CRACD: variants seen among roughly 807,000 people sequenced by gnomAD.
CRACD encodes the protein capping protein inhibiting regulator of actin dynamics.
A neutral mutation model predicts 106.8 loss-of-function variants in CRACD; 56 were observed. The observed-to-expected ratio is 0.52, with a 90% CI of 0.42 to 0.66. The LOEUF (loss-of-function observed/expected upper bound fraction) is 0.66, where lower values mean the gene tolerates loss of function less well. CRACD is among the 30% of genes least tolerant of loss of function. The pLI is 0.00. For synonymous variants in CRACD, 754 were observed against 670.8 expected (o/e 1.12, Z -1.92); for missense variants, 1,730 against 1,623.2 (o/e 1.07, Z -1.13).
intron 1 of CRACD, among the ~76,000 whole-genome samples, chr4:56,081,941 T>G (rs1363480637): frequency 6.6e-6 from 1 of 152,098 alleles, no homozygotes; most frequent in Non-Finnish European, 1.5e-5. Context: ...AGCCATTGTA[T>G]TCTAGCCTGA....
chr4:56,246,973 T>C (rs543086088), intron 2 of CRACD, among the ~76,000 whole-genome samples: 1 of 152,310 alleles, frequency 6.6e-6, no homozygotes, highest in East Asian at 1.9e-4. Context: ...AATATTTAGA[T>C]ACTGAAAAAA....
chr4:56,114,538 A>G (rs1034500814), intron 1 of CRACD, among the ~76,000 whole-genome samples: 1 of 152,052 alleles, frequency 6.6e-6, no homozygotes, highest in African/African-American at 2.4e-5. Context: ...GTGACTTTGG[A>G]TAGATTATCT....
chr4:56,324,325 G>A (rs764075143), intron 10 of CRACD, 59 bp downstream of exon 10: 42 of 1,521,306 alleles, frequency 2.8e-5, no homozygotes, highest in Non-Finnish European at 3.5e-5. Context: ...TGTAGAGCGT[G>A]CTTTATATCC....
At chr4:56,063,855 A>G (rs1732369310) in intron 1 of CRACD, among the ~76,000 whole-genome samples, 1 of 152,192 alleles carries the variant, frequency 6.6e-6, no homozygotes, top group Non-Finnish European at 1.5e-5. Flanking sequence ...TTTTGGATAT[A>G]TATGAAGGAA....
At chr4:56,275,031 C>A (rs899884274) in intron 3 of CRACD, among the ~76,000 whole-genome samples, 16 of 152,166 alleles carry the variant, frequency 1.1e-4, no homozygotes, top group African/African-American at 3.9e-4. Context: ...AATGCAGGAA[C>A]AGAAAACCAA....
chr4:56,119,134 G>A (rs1734396774), intron 1 of CRACD, among the ~76,000 whole-genome samples: 1 of 152,072 alleles, frequency 6.6e-6, no homozygotes. Flanking sequence ...CATTTTATAT[G>A]CATCATCTCA....
In CRACD at chr4:56,315,370, G is replaced by A. The variant is rs768408331; in HGVS notation, c.1868G>A (p.Gly623Asp). ...GACACCGCGTGCAAGTCCCTCCTGGGCTTGGAGGAGAAGAAGCACGCGGAA... is the reference window on the plus strand; with the variant it reads ...GACACCGCGTGCAAGTCCCTCCTGGACTTGGAGGAGAAGAAGCACGCGGAA... Reference protein sequence around the residue: ...IKDTACKSLLGLEEKKHAEAP... With the variant: ...IKDTACKSLLDLEEKKHAEAP... Residue 623 changes from glycine (G) to aspartate (D), a missense_variant, in exon 8 of 11, where the codon GGC becomes GAC. Physicochemically the swap from Gly to Asp is moderately conservative, Grantham distance 94. Transcript: ENST00000682029. The surrounding 1 kb of genome is among the most constrained non-coding windows in gnomAD (Gnocchi z 4.1). 3.1e-6 allele frequency: 5 copies of A among 1,613,328 alleles called. No homozygotes were observed. The South Asian group carries it at 5.5e-5, about 18-fold the overall frequency.
At chr4:56,237,906 ATAT>A (rs1161184111) in intron 2 of CRACD, among the ~76,000 whole-genome samples, 7 of 150,858 alleles carry the variant, frequency 4.6e-5, no homozygotes, top group Non-Finnish European at 7.4e-5. Context: ...TATATTATAA[ATAT>A]TATATTTATA....
intron 8 of CRACD, among the ~76,000 whole-genome samples, chr4:56,318,219 A>G (rs1005982679): frequency 1.3e-5 from 2 of 150,884 alleles, no homozygotes; most frequent in Admixed American, 6.6e-5. Flanking sequence ...CTGGTCTTGA[A>G]CTCCTGGGAT....
At chr4:56,123,562 C>T (rs1242387031) in intron 1 of CRACD, among the ~76,000 whole-genome samples, 1 of 152,150 alleles carries the variant, frequency 6.6e-6, no homozygotes, top group Non-Finnish European at 1.5e-5. Flanking sequence ...GGGACTTCAG[C>T]AAATCAATTT....
chr4:56,221,535 C>T (rs1739029448), intron 2 of CRACD, among the ~76,000 whole-genome samples: 1 of 152,000 alleles, frequency 6.6e-6, no homozygotes, highest in Non-Finnish European at 1.5e-5. Context: ...ATTTTCTGCA[C>T]AGCAAAAGAA....
chr4:56,249,931 G>A (rs1039564124), intron 2 of CRACD, among the ~76,000 whole-genome samples: 1 of 152,176 alleles, frequency 6.6e-6, no homozygotes, highest in African/African-American at 2.4e-5. Context: ...CTGTGGGAGA[G>A]TTAACATTGT....
intron 1 of CRACD, among the ~76,000 whole-genome samples, chr4:56,152,136 AG>A (rs1201368658): frequency 1.3e-5 from 2 of 148,936 alleles, no homozygotes; most frequent in Non-Finnish European, 3.0e-5. Context: ...CAGCCTCCCG[AG>A]TAGCTGGGAC....
At chr4:56,151,729 C>T (rs548255935) in intron 1 of CRACD, among the ~76,000 whole-genome samples, 37 of 152,164 alleles carry the variant, frequency 2.4e-4, no homozygotes, top group Non-Finnish European at 4.9e-4. Context: ...TAATCTGGAA[C>T]CATTCCTCAA....
chr4:56,059,242 G>A (rs1483844703), intron 1 of CRACD, among the ~76,000 whole-genome samples: 3 of 151,686 alleles, frequency 2.0e-5, no homozygotes, highest in South Asian at 2.1e-4. Context: ...GTTTGAGATC[G>A]GCCTGGGCAA....
At chr4:56,285,366 C>T (rs1314081288) in intron 3 of CRACD, among the ~76,000 whole-genome samples, 1 of 152,172 alleles carries the variant, frequency 6.6e-6, no homozygotes, top group Non-Finnish European at 1.5e-5. Flanking sequence ...GGTAATAGAA[C>T]CCAGTGATGG....
chr4:56,233,569 T>C (rs1322103898), intron 2 of CRACD, among the ~76,000 whole-genome samples: 1 of 152,234 alleles, frequency 6.6e-6, no homozygotes, highest in East Asian at 1.9e-4. Context: ...ATCTGGTTAT[T>C]TTTATGCCAA....
intron 1 of CRACD, among the ~76,000 whole-genome samples, chr4:56,175,067 C>T (rs890569340): frequency 6.6e-6 from 1 of 152,150 alleles, no homozygotes; most frequent in African/African-American, 2.4e-5. Context: ...TCACCAGGCC[C>T]CTCCCCTGAC....
intron 2 of CRACD, among the ~76,000 whole-genome samples, chr4:56,217,685 A>G (rs531409973): frequency 7.2e-4 from 109 of 152,246 alleles, no homozygotes; most frequent in African/African-American, 2.4e-3. Context: ...TCTCTGTTTT[A>G]ATGTTAATGC....
Sources: gnomAD v4.1 joint callset for allele counts (sites outside exome capture counted in the v4.1 genomes callset) on GRCh38, gnomAD v4.1.1 for gene constraint, Gnocchi (gnomAD v3.1) non-coding constraint, MANE v1.5 for transcripts, NCBI Gene and HGNC (gene_info 2026-07-23, HGNC 2026-07-21) for gene names.